CEP350: variants seen among roughly 807,000 people sequenced by gnomAD.
CEP350 encodes the protein centrosome-associated protein 350.
A neutral mutation model predicts 331.8 loss-of-function variants in CEP350; 126 were observed. The observed-to-expected ratio is 0.38, with a 90% CI of 0.33 to 0.44. The LOEUF is 0.44. Among genes scored for constraint, CEP350 ranks in the 20% least tolerant of loss-of-function variants. The pLI is 1.00. For synonymous variants in CEP350, 1,200 were observed against 1,259.5 expected, an observed-to-expected ratio of 0.95 and a Z score of 1.00; for missense variants, 3,406 against 3,634.6, an observed-to-expected ratio of 0.94 and a Z score of 1.62.
chr1:180,111,045 G>A lies in CEP350; in HGVS notation c.9238G>A (p.Asp3080Asn), dbSNP rs1470731975. The A allele has an allele frequency of 6.2e-7, 1 of 1,613,996 alleles. No individual in the cohort carries two copies. The highest frequency in any genetic ancestry group is 8.5e-7 in the Non-Finnish European group (1 of 1,179,882). Residue 3080 changes from aspartate (D) to asparagine (N), a missense_variant, in exon 38 of 38, where the codon GAT becomes AAT. By Grantham distance (23) the Asp-to-Asn change is conservative. Around this residue, in one of 5 missense-constraint regions of CEP350, gnomAD observed 29 missense variants for 52.8 expected, o/e 0.55. Transcript: ENST00000367607. ...EEAQWVNYDE[D>N]ELCVKMQLAD... ...GGCACAGTGGGTGAACTATGATGAG[G>A]ATGAGTTGTGTGTGAAAATGCAGCT...
chr1:180,089,582 C>CA (rs71660691), intron 32 of CEP350, among the ~76,000 whole-genome samples: 2,485 of 86,006 alleles, frequency 0.029, 75 homozygotes, highest in East Asian at 0.17. Flanking sequence ...GACTCCATCT[C>CA]AAAAAAAAAA....
intron 19 of CEP350, among the ~76,000 whole-genome samples, 193 bp from the exon 20 acceptor site, chr1:180,042,863 C>T (rs1377013816): frequency 6.6e-6 from 1 of 152,192 alleles, no homozygotes; most frequent in East Asian, 1.9e-4. Context: ...TGTAGTCTAA[C>T]TCTGTTTTTA....
At chr1:180,024,397 A>G (rs1294640989) in intron 13 of CEP350, 22 bp from the exon 14 acceptor site, 2 of 1,589,350 alleles carry the variant, frequency 1.3e-6, no homozygotes, top group Non-Finnish European at 1.7e-6. Context: ...TTCTGGAACT[A>G]CTATTATTTA....
At chr1:180,042,707 G>A (rs997691119) in intron 19 of CEP350, among the ~76,000 whole-genome samples, 1 of 152,146 alleles carries the variant, frequency 6.6e-6, no homozygotes, top group South Asian at 2.1e-4. Context: ...TTGACCTGTT[G>A]GTCAGCAAAG....
chr1:180,003,223 G>T lies in CEP350; in HGVS notation c.1068G>T (p.Trp356Cys). 1.2e-6 allele frequency: 2 copies of T among 1,613,424 alleles called. No individual in the cohort carries two copies. Among genetic ancestry groups the T allele is most frequent in the Non-Finnish European group, 1.7e-6 (2 of 1,179,702 alleles). The change falls in exon 7 of 38, where the codon TGG becomes TGT. Residue 356 changes from tryptophan to cysteine, a missense_variant. By Grantham distance (215) the Trp-to-Cys change is radical. Coordinates refer to ENST00000367607, the MANE Select transcript of CEP350 (RefSeq NM_014810.5). ...TKIRTPDGKV[W>C]QEAEFQNMSR... ...TTCGAACACCTGATGGGAAAGTGTG[G>T]CAGGAGGCTGAGTTTCAAAACATGA...
At chr1:180,054,947 G>C (rs1325644800) in intron 25 of CEP350, among the ~76,000 whole-genome samples, 1 of 152,148 alleles carries the variant, frequency 6.6e-6, no homozygotes, top group African/African-American at 2.4e-5. Context: ...GCATGGTGGT[G>C]TAGTGGTAAA....
intron 16 of CEP350, 110 bp downstream of exon 16, chr1:180,034,192 G>T: frequency 7.9e-7 from 1 of 1,260,992 alleles, no homozygotes; most frequent in Non-Finnish European, 1.1e-6. Context: ...TATTTCAAGT[G>T]AATATGATTA....
chr1:179,991,436 C>G (rs1270603953), intron 4 of CEP350, among the ~76,000 whole-genome samples: 1 of 149,794 alleles, frequency 6.7e-6, no homozygotes, highest in African/African-American at 2.4e-5. Context: ...CCTGAGTAGC[C>G]GCGCCACCGG....
At chr1:180,089,598 A>C (rs1295460472) in intron 32 of CEP350, among the ~76,000 whole-genome samples, 4 of 151,016 alleles carry the variant, frequency 2.6e-5, no homozygotes, top group Non-Finnish European at 5.9e-5. Context: ...AAAAAAAAAA[A>C]AGTAAACTTG....
At position 180,080,639 on chromosome 1, in the gene CEP350, G is replaced by A; in HGVS notation, c.6102G>A (p.Glu2034=). ...SHQHCYSWSD[E]SLSMTQSETT... is the part of the protein sequence containing the mutation. ...AGCACTGTTATAGTTGGTCAGATGA[G>A]TCATTATCTATGACACAGTCAGGTA... Residue 2034 remains glutamate, a synonymous_variant, in exon 30 of 38, where the codon GAG becomes GAA. Coordinates refer to ENST00000367607, the MANE Select transcript of CEP350 (RefSeq NM_014810.5). 1 of 1,613,760 alleles carries A rather than the reference G, an allele frequency of 6.2e-7. No homozygotes were observed. The highest frequency in any genetic ancestry group is 8.5e-7 in the Non-Finnish European group (1 of 1,179,788).
chr1:179,964,048 T>C (rs1326933825), intron 1 of CEP350, among the ~76,000 whole-genome samples: 1 of 152,082 alleles, frequency 6.6e-6, no homozygotes, highest in Non-Finnish European at 1.5e-5. Flanking sequence ...CTGGTTAAAT[T>C]TATTCCTGGG....
In CEP350 at chr1:180,111,272, A is replaced by G. The variant is rs1171148035; in HGVS notation, c.*111A>G. ...AAGAGTGCTTCTGGACCTTGTACTT[A>G]TTCTTAAAGACTACCAGTATGGAGT... is the stretch of plus-strand genomic sequence containing the variant. On this transcript the variant is annotated 3_prime_UTR_variant, in exon 38 of 38. Coordinates refer to ENST00000367607, the MANE Select transcript of CEP350 (RefSeq NM_014810.5). 1 of 1,281,586 alleles carries G rather than the reference A, an allele frequency of 7.8e-7. No individual in the cohort carries two copies. The allele number at this position is 1,281,586 out of a possible 1,614,324, so 79.4% of individuals were successfully genotyped here. A position where few individuals can be genotyped will look rare whatever the true frequency, so the allele number is the denominator to read the frequency against.
chr1:180,083,457 G>A (rs1659685393), intron 30 of CEP350, among the ~76,000 whole-genome samples: 1 of 152,150 alleles, frequency 6.6e-6, no homozygotes, highest in Non-Finnish European at 1.5e-5. Context: ...TATTTTGAGA[G>A]CTTTCAAAGA....
chr1:180,022,328 T>TTA (rs1489885883), intron 12 of CEP350, among the ~76,000 whole-genome samples: 5 of 152,294 alleles, frequency 3.3e-5, no homozygotes, highest in Non-Finnish European at 7.4e-5. Flanking sequence ...TAAACTGAAA[T>TTA]ATTTAGAGAT....
At chr1:180,060,465 G>A (rs948116339) in intron 25 of CEP350, among the ~76,000 whole-genome samples, 2 of 152,090 alleles carry the variant, frequency 1.3e-5, no homozygotes, top group African/African-American at 4.8e-5. Flanking sequence ...AGGCAACATA[G>A]CAAGACCCTG....
intron 14 of CEP350, among the ~76,000 whole-genome samples, chr1:180,026,060 G>A (rs1293976543): frequency 1.4e-5 from 2 of 143,092 alleles, no homozygotes; most frequent in Non-Finnish European, 3.0e-5. Context: ...AGAGATAACG[G>A]ATGTTAACAT....
chr1:179,998,971 A>G, intron 6 of CEP350, among the ~76,000 whole-genome samples: 1 of 152,112 alleles, frequency 6.6e-6, no homozygotes, highest in East Asian at 1.9e-4. Context: ...TATTAATAAC[A>G]ACACAATTCT....
intron 11 of CEP350, among the ~76,000 whole-genome samples, chr1:180,017,947 C>T (rs1655075106): frequency 6.6e-6 from 1 of 152,116 alleles, no homozygotes; most frequent in Non-Finnish European, 1.5e-5. Context: ...CTTATTTTAG[C>T]TGTTTGTTTG....
intron 1 of CEP350, among the ~76,000 whole-genome samples, chr1:179,965,988 G>T (rs367869617): frequency 1.3e-5 from 2 of 152,006 alleles, no homozygotes; most frequent in Non-Finnish European, 2.9e-5. Flanking sequence ...TCAGGATGGA[G>T]CCCATTAAGG....
Sources: allele counts gnomAD v4.1 joint callset (sites outside exome capture counted in the v4.1 genomes callset), GRCh38; gene constraint gnomAD v4.1.1; regional missense constraint gnomAD v4.1.1; transcripts MANE v1.5; gene names NCBI Gene and HGNC (gene_info 2026-07-23, HGNC 2026-07-21).